TSHZ2: variants seen among roughly 807,000 people sequenced by gnomAD.
TSHZ2 encodes teashirt zinc finger homeobox 2, also known as teashirt homolog 2.
A neutral mutation model predicts 74.4 loss-of-function variants in TSHZ2; 21 were observed. The ratio of observed to expected loss-of-function variants is 0.28; its 90% CI spans 0.20 to 0.41. The LOEUF (loss-of-function observed/expected upper bound fraction) is 0.41, where lower values mean the gene tolerates loss of function less well. TSHZ2 is among the 10% of genes least tolerant of loss of function. The pLI is 1.00. For synonymous variants in TSHZ2, 540 were observed against 515.3 expected (o/e 1.05, Z -0.65); for missense variants, 1,244 against 1,293.5 (o/e 0.96, Z 0.59).
intron 2 of TSHZ2, among the ~76,000 whole-genome samples, chr20:53,343,776 A>G (rs1434064197): frequency 6.6e-6 from 1 of 152,198 alleles, no homozygotes; most frequent in Admixed American, 6.5e-5. Context: ...GAACCAGCTC[A>G]TGAGTAATTT....
At chr20:53,083,439 G>A (rs571763431) in intron 1 of TSHZ2, among the ~76,000 whole-genome samples, 21 of 152,318 alleles carry the variant, frequency 1.4e-4, no homozygotes, top group African/African-American at 3.4e-4. Flanking sequence ...GGTTTTAACC[G>A]TATAGCCAGG....
intron 2 of TSHZ2, among the ~76,000 whole-genome samples, chr20:53,469,214 T>A (rs1169679027): frequency 6.6e-6 from 1 of 151,432 alleles, no homozygotes; most frequent in Admixed American, 6.6e-5. Flanking sequence ...ATTGTTTTAA[T>A]AATTAACAGA....
At chr20:53,138,397 A>G (rs991388459) in intron 1 of TSHZ2, among the ~76,000 whole-genome samples, 2 of 151,934 alleles carry the variant, frequency 1.3e-5, no homozygotes, top group Admixed American at 6.6e-5. Flanking sequence ...AAAAGAAAAA[A>G]AAAAAAAAAC....
intron 2 of TSHZ2, among the ~76,000 whole-genome samples, chr20:53,402,782 T>A (rs1265190377): frequency 2.0e-5 from 3 of 151,990 alleles, no homozygotes; most frequent in Non-Finnish European, 4.4e-5. Flanking sequence ...TGGGGAAACA[T>A]CAGGAAGGTG....
At chr20:53,124,015 C>A (rs934372744) in intron 1 of TSHZ2, among the ~76,000 whole-genome samples, 6 of 152,174 alleles carry the variant, frequency 3.9e-5, no homozygotes, top group Non-Finnish European at 8.8e-5. Context: ...AGCCAAAACA[C>A]CCGAATTTCC....
intron 2 of TSHZ2, among the ~76,000 whole-genome samples, chr20:53,478,416 A>G (rs1986045668): frequency 6.6e-6 from 1 of 151,246 alleles, no homozygotes; most frequent in Non-Finnish European, 1.5e-5. Context: ...GCAAGAACAA[A>G]AAACCAAACA....
chr20:53,433,001 T>C (rs1401631049), intron 2 of TSHZ2, among the ~76,000 whole-genome samples: 9 of 152,216 alleles, frequency 5.9e-5, no homozygotes, highest in Admixed American at 5.9e-4. Flanking sequence ...AACTGCAAGA[T>C]GGCTGCATCA....
chr20:53,134,616 T>C (rs1987195335), intron 1 of TSHZ2, among the ~76,000 whole-genome samples: 1 of 152,236 alleles, frequency 6.6e-6, no homozygotes. Flanking sequence ...GCAACTTGCT[T>C]TGCTCACTTA....
intron 2 of TSHZ2, among the ~76,000 whole-genome samples, chr20:53,396,860 AAAAC>A (rs1385778894): frequency 6.6e-6 from 1 of 151,854 alleles, no homozygotes; most frequent in Non-Finnish European, 1.5e-5. Context: ...AAAAAAAAAA[AAAAC>A]AGAGAGAGAA....
chr20:53,412,936 CAGG>C (rs1983105569), intron 2 of TSHZ2: 2 of 152,284 alleles, frequency 1.3e-5, no homozygotes, highest in African/African-American at 2.4e-5. Flanking sequence ...GGCTCCCTGG[CAGG>C]CCTCGACATC....
intron 2 of TSHZ2, among the ~76,000 whole-genome samples, chr20:53,285,456 T>A (rs376977219): frequency 8.5e-5 from 13 of 152,200 alleles, no homozygotes; most frequent in African/African-American, 3.1e-4. Flanking sequence ...CACGCTTGTA[T>A]CCCAGCATTC....
intron 2 of TSHZ2, among the ~76,000 whole-genome samples, chr20:53,474,136 A>G (rs1489381166): frequency 6.7e-6 from 1 of 149,964 alleles, no homozygotes; most frequent in Non-Finnish European, 1.5e-5. Flanking sequence ...GCCAACGTTC[A>G]GATTCAGGAA....
intron 2 of TSHZ2, among the ~76,000 whole-genome samples, chr20:53,343,448 C>T (rs569515331): frequency 1.0e-3 from 152 of 152,202 alleles, no homozygotes; most frequent in Admixed American, 1.2e-3. Flanking sequence ...CTCCAACTGT[C>T]GGCAGATAAA....
chr20:53,072,027 C>T (rs544743713), intron 1 of TSHZ2, among the ~76,000 whole-genome samples: 7 of 152,274 alleles, frequency 4.6e-5, no homozygotes, highest in African/African-American at 1.7e-4. Context: ...TGCTGCTAAA[C>T]ATCCCGTAAT....
intron 2 of TSHZ2, among the ~76,000 whole-genome samples, chr20:53,408,224 G>A (rs1982917697): frequency 6.6e-6 from 1 of 152,160 alleles, no homozygotes. Flanking sequence ...TCCAAGTTTG[G>A]AGTCTGAGCC....
At chr20:53,231,026 G>GTA in intron 1 of TSHZ2, among the ~76,000 whole-genome samples, 1 of 152,126 alleles carries the variant, frequency 6.6e-6, no homozygotes, top group African/African-American at 2.4e-5. Flanking sequence ...TGGAGAGGCT[G>GTA]GACTTTCTGT....
intron 2 of TSHZ2, among the ~76,000 whole-genome samples, chr20:53,453,616 A>C (rs1449924553): frequency 2.0e-5 from 3 of 152,218 alleles, no homozygotes; most frequent in Non-Finnish European, 4.4e-5. Context: ...AAAGCCACTT[A>C]TGTGATAATG....
intron 2 of TSHZ2, among the ~76,000 whole-genome samples, chr20:53,307,372 C>T (rs957751223): frequency 2.0e-5 from 3 of 152,144 alleles, no homozygotes; most frequent in Non-Finnish European, 4.4e-5. Context: ...AATCCTGGTC[C>T]CCATTGGATG....
At chr20:53,142,972 C>T (rs1488049924) in intron 1 of TSHZ2, among the ~76,000 whole-genome samples, 1 of 152,150 alleles carries the variant, frequency 6.6e-6, no homozygotes, top group African/African-American at 2.4e-5. Flanking sequence ...TGTCAGATCG[C>T]ATTGAGTAAC....
Sources: gnomAD v4.1 joint callset for allele counts (sites outside exome capture counted in the v4.1 genomes callset) on GRCh38, gnomAD v4.1.1 for gene constraint, MANE v1.5 for transcripts, NCBI Gene and HGNC (gene_info 2026-07-23, HGNC 2026-07-21) for gene names.